Variants in RAPGEF4 observed in about 807,000 individuals in gnomAD.
The protein encoded by RAPGEF4 is RAP guanine-nucleotide-exchange factor (GEF) 4.
Under a neutral mutation model 147.9 loss-of-function variants are expected in RAPGEF4, and 66 were observed. The ratio of observed to expected loss-of-function variants is 0.45; its 90% CI spans 0.37 to 0.55. The LOEUF (loss-of-function observed/expected upper bound fraction) is 0.55. Among genes scored for constraint, RAPGEF4 ranks in the 20% least tolerant of loss-of-function variants. The pLI is 0.00. For missense variants in RAPGEF4, 1,071 were observed against 1,257.3 expected (o/e 0.85, Z 2.24); for synonymous variants, 419 against 442.7 (o/e 0.95, Z 0.67).
At chr2:172,841,852 C>CTT (rs3064820) in intron 4 of RAPGEF4, among the ~76,000 whole-genome samples, 111,736 of 151,488 alleles carry the variant, frequency 0.74, 41,444 homozygotes, top group East Asian at 0.94. Flanking sequence ...CACACACACA[C>CTT]GAACATAAAT....
intron 4 of RAPGEF4, among the ~76,000 whole-genome samples, chr2:172,890,747 AG>A (rs1241875115): frequency 6.6e-6 from 1 of 152,248 alleles, no homozygotes; most frequent in African/African-American, 2.4e-5. Context: ...TGTGAAGGAA[AG>A]ATCTTGTCAA....
chr2:173,039,233 G>A (rs765245463), intron 29 of RAPGEF4, among the ~76,000 whole-genome samples: 5 of 151,762 alleles, frequency 3.3e-5, no homozygotes, highest in African/African-American at 9.7e-5. Flanking sequence ...CGAGGCGGGT[G>A]GATCACGAGG....
chr2:172,869,108 C>A (rs1039421250), intron 4 of RAPGEF4, among the ~76,000 whole-genome samples: 1 of 152,118 alleles, frequency 6.6e-6, no homozygotes, highest in African/African-American at 2.4e-5. Flanking sequence ...AACTGAATTT[C>A]CCCCCATTCT....
intron 1 of RAPGEF4, among the ~76,000 whole-genome samples, chr2:172,759,084 G>T (rs1347229092): frequency 6.6e-6 from 1 of 151,996 alleles, no homozygotes; most frequent in East Asian, 1.9e-4. Context: ...CAGACAGATT[G>T]TGTCATGTTG....
Position 173,036,557 on chromosome 2 carries a change from G to A in RAPGEF4, c.2789-71G>A, listed in dbSNP as rs1259361928. 4.3e-6 allele frequency: 5 copies of A among 1,161,436 alleles called. No individual in the cohort carries two copies. In the African/African-American group the frequency reaches 6.2e-5, roughly 14 times the overall value. The allele number at this position is 1,161,436 out of a possible 1,614,324, so 71.9% of individuals were successfully genotyped here. A position where few individuals can be genotyped will look rare whatever the true frequency, so the allele number is the denominator to read the frequency against. On this transcript the variant is annotated intron_variant, in intron 28 of 30. Transcript: ENST00000397081. The stretch of plus-strand genomic sequence containing the variant: ...TGCAAATCTGCCAGCATAATCTAAT[G>A]GTGCTATTGTGCTTTCTTAGTATGA...
At chr2:172,959,955 C>A (rs181537801) in intron 6 of RAPGEF4, among the ~76,000 whole-genome samples, 6 of 152,148 alleles carry the variant, frequency 3.9e-5, no homozygotes, top group Admixed American at 3.3e-4. Context: ...TATGGTGGTG[C>A]AAGCCTGTAG....
At chr2:172,803,202 A>G (rs1687149436) in intron 3 of RAPGEF4, among the ~76,000 whole-genome samples, 1 of 152,214 alleles carries the variant, frequency 6.6e-6, no homozygotes, top group African/African-American at 2.4e-5. Flanking sequence ...CTCTGACCCC[A>G]CATTTCCCTT....
At chr2:172,995,420 C>CA (rs889068625) in intron 15 of RAPGEF4, among the ~76,000 whole-genome samples, 8 of 152,268 alleles carry the variant, frequency 5.3e-5, no homozygotes, top group African/African-American at 1.9e-4. Flanking sequence ...GCTGGGACTA[C>CA]AGGCATGTGC....
At chr2:172,902,467 T>A (rs2149965861) in intron 4 of RAPGEF4, among the ~76,000 whole-genome samples, 1 of 152,092 alleles carries the variant, frequency 6.6e-6, no homozygotes, top group South Asian at 2.1e-4. Flanking sequence ...TACAGTCAGT[T>A]AATTTTTGTA....
intron 6 of RAPGEF4, among the ~76,000 whole-genome samples, chr2:172,935,428 G>A (rs1434857777): frequency 1.3e-5 from 2 of 152,142 alleles, no homozygotes. Context: ...CTCTGTTGAT[G>A]GGGAGGTCTG....
Position 173,036,702 on chromosome 2 carries a change from G to GT in RAPGEF4, c.2853+11dup. The stretch of plus-strand genomic sequence containing the variant: ...AAACTTTGAAAAAATGGTATGTGCA[G>GT]TATTATAACCTTAACCACAATGTGT... On this transcript the variant is annotated intron_variant, in intron 29 of 30. Transcript: ENST00000397081. 1 of 1,584,794 alleles carries GT rather than the reference G, an allele frequency of 6.3e-7. No homozygotes were observed. The highest frequency in any genetic ancestry group is 8.6e-7 in the Non-Finnish European group (1 of 1,158,498).
At chr2:172,767,174 C>T (rs1253569389) in intron 1 of RAPGEF4, among the ~76,000 whole-genome samples, 1 of 150,500 alleles carries the variant, frequency 6.6e-6, no homozygotes, top group African/African-American at 2.5e-5. Context: ...AAGATAAACA[C>T]TCTATTTTTT....
intron 4 of RAPGEF4, among the ~76,000 whole-genome samples, chr2:172,846,095 G>A (rs1692155073): frequency 6.6e-6 from 1 of 152,130 alleles, no homozygotes; most frequent in Non-Finnish European, 1.5e-5. Flanking sequence ...CCTTATTGAG[G>A]TGTACTTTAT....
At chr2:172,990,976 C>A in intron 15 of RAPGEF4, 51 bp downstream of exon 15, 1 of 1,330,066 alleles carries the variant, frequency 7.5e-7, no homozygotes, top group South Asian at 1.2e-5. Flanking sequence ...AACCTTTTCA[C>A]ATGGTATCAT....
At position 172,921,933 on chromosome 2, in the gene RAPGEF4, T is replaced by C. The variant is rs1432239539; in HGVS notation, c.518-348T>C. On this transcript the variant is annotated intron_variant, in intron 5 of 30. Coordinates refer to ENST00000397081, the MANE Select transcript of RAPGEF4 (RefSeq NM_007023.4). Reference sequence around the variant, plus strand: ...TGAAACTTAGGAGTTAATGTGCCTTTCCAAAATTCCGAGTGTTCTGGTGCC... The same window carrying C: ...TGAAACTTAGGAGTTAATGTGCCTTCCCAAAATTCCGAGTGTTCTGGTGCC... Among the ~76,000 whole-genome samples, 4 of 152,340 alleles carry C rather than the reference T, an allele frequency of 2.6e-5. No individual in the cohort carries two copies. The East Asian group carries it at 5.8e-4, about 22-fold the overall frequency.
At chr2:172,983,373 G>A (rs566309801) in intron 10 of RAPGEF4, 123 bp from the exon 11 acceptor site, 92 of 1,478,532 alleles carry the variant, frequency 6.2e-5, no homozygotes, top group African/African-American at 8.4e-5. Flanking sequence ...CTCTCCCTCC[G>A]CCAATATCTT....
chr2:172,903,547 A>AT (rs1238434731), intron 4 of RAPGEF4, among the ~76,000 whole-genome samples: 2 of 151,996 alleles, frequency 1.3e-5, no homozygotes, highest in Non-Finnish European at 2.9e-5. Flanking sequence ...TCAAAAAAAA[A>AT]AAAAAAGTTT....
At chr2:173,026,822 C>A (rs1696708805) in intron 24 of RAPGEF4, 125 bp downstream of exon 24, 3 of 1,311,742 alleles carry the variant, frequency 2.3e-6, no homozygotes, top group East Asian at 2.4e-5. Flanking sequence ...TTTTTGCATA[C>A]TGAGCTTATA....
At chr2:172,749,797 A>T (rs1255353434) in intron 1 of RAPGEF4, among the ~76,000 whole-genome samples, 1 of 152,200 alleles carries the variant, frequency 6.6e-6, no homozygotes, top group East Asian at 1.9e-4. Context: ...TCCCTTTTAA[A>T]ACTGAATGTT....
Sources: allele counts gnomAD v4.1 joint callset (sites outside exome capture counted in the v4.1 genomes callset), GRCh38; gene constraint gnomAD v4.1.1; transcripts MANE v1.5; gene names NCBI Gene and HGNC (gene_info 2026-07-23, HGNC 2026-07-21).